ITGB6: variants seen among roughly 807,000 people sequenced by gnomAD.
ITGB6 encodes integrin beta-6.
ITGB6 carries 80 observed loss-of-function variants against 84.5 expected under a neutral mutation model. The observed-to-expected ratio is 0.95, with a 90% CI of 0.79 to 1.14. ITGB6 has a LOEUF of 1.14. Among genes scored for constraint, ITGB6 ranks in the 50% most tolerant of loss-of-function variants. The pLI is 0.00. For synonymous variants in ITGB6, 383 were observed against 354.9 expected (o/e 1.08, Z -0.89); for missense variants, 1,006 against 968.0 (o/e 1.04, Z -0.52).
intron 7 of ITGB6, among the ~76,000 whole-genome samples, chr2:160,155,939 T>C (rs1684607542): frequency 1.3e-5 from 2 of 152,218 alleles, no homozygotes; most frequent in Admixed American, 6.5e-5. Flanking sequence ...AATGCTCTCA[T>C]ACACTTGTAG....
intron 14 of ITGB6, 33 bp downstream of exon 14, chr2:160,107,646 C>T (rs755918176): frequency 1.9e-6 from 3 of 1,606,680 alleles, no homozygotes; most frequent in East Asian, 2.2e-5. Flanking sequence ...TCTTTCTCCC[C>T]TAGACAAGGA....
chr2:160,111,599 G>GT (rs35948673), intron 13 of ITGB6, among the ~76,000 whole-genome samples: 1,819 of 134,486 alleles, frequency 0.014, 88 homozygotes, highest in East Asian at 0.039. Context: ...CATCTTAGCT[G>GT]TTTTTTTTTT....
intron 7 of ITGB6, 105 bp from the exon 8 acceptor site, chr2:160,142,176 G>A: frequency 3.1e-6 from 2 of 655,290 alleles, no homozygotes; most frequent in Non-Finnish European, 5.3e-6. Flanking sequence ...AACTGGCCAG[G>A]GAAAACAGGT....
chr2:160,180,693 C>G (rs561811832), intron 4 of ITGB6, among the ~76,000 whole-genome samples: 1 of 152,298 alleles, frequency 6.6e-6, no homozygotes, highest in East Asian at 1.9e-4. Context: ...AGTGAGAAGG[C>G]TGGTAAGATG....
At chr2:160,160,413 G>T (rs1016992723) in intron 7 of ITGB6, among the ~76,000 whole-genome samples, 11 of 152,154 alleles carry the variant, frequency 7.2e-5, no homozygotes, top group Non-Finnish European at 1.0e-4. Flanking sequence ...ATAGAAAAAA[G>T]TGTGCCAACC....
rs1467456081 is a variant in ITGB6 at position 160,133,684 on chromosome 2, A to C, written c.1660+3750T>G. ...AGCACTCCTCAGCAAATGTAAAAGA[A>C]CAGAAATTATAACAAACTGTCTCTC... is the stretch of plus-strand genomic sequence containing the variant. On this transcript the variant is annotated intron_variant, in intron 10 of 14. Coordinates refer to ENST00000283249, the MANE Select transcript of ITGB6 (RefSeq NM_000888.5). Among the ~76,000 whole-genome samples, 3 of 152,194 alleles carry C rather than the reference A, an allele frequency of 2.0e-5. No individual in the cohort carries two copies. The South Asian group carries it at 6.2e-4, about 32-fold the overall frequency.
At chr2:160,156,991 T>G (rs1474146652) in intron 7 of ITGB6, among the ~76,000 whole-genome samples, 1 of 152,206 alleles carries the variant, frequency 6.6e-6, no homozygotes, top group Non-Finnish European at 1.5e-5. Context: ...ACAGAAATTG[T>G]TCTGTTCTGG....
intron 14 of ITGB6, among the ~76,000 whole-genome samples, chr2:160,107,092 G>A (rs10497213): frequency 0.36 from 55,123 of 151,936 alleles, 11,866 homozygotes; most frequent in Non-Finnish European, 0.49. Flanking sequence ...AATTATTTCT[G>A]TTGAGTTTAT....
intron 12 of ITGB6, among the ~76,000 whole-genome samples, chr2:160,114,325 T>G (rs982541617): frequency 3.3e-5 from 5 of 152,220 alleles, no homozygotes; most frequent in African/African-American, 1.2e-4. Context: ...TTTCTTCTGT[T>G]GTTCATAGAA....
At chr2:160,155,584 C>T (rs1464418054) in intron 7 of ITGB6, among the ~76,000 whole-genome samples, 1 of 152,066 alleles carries the variant, frequency 6.6e-6, no homozygotes. Context: ...TCTCTCTATA[C>T]CCTCTACTCA....
intron 4 of ITGB6, among the ~76,000 whole-genome samples, chr2:160,184,500 C>A (rs1189757984): frequency 2.6e-5 from 4 of 152,126 alleles, no homozygotes; most frequent in South Asian, 2.1e-4. Context: ...GCCTACCAAC[C>A]AAAAAATGTC....
intron 7 of ITGB6, among the ~76,000 whole-genome samples, chr2:160,159,384 C>CT (rs1387127214): frequency 6.6e-6 from 1 of 152,096 alleles, no homozygotes; most frequent in Non-Finnish European, 1.5e-5. Context: ...TATCAGAGGG[C>CT]TTGTAGTGAT....
intron 12 of ITGB6, among the ~76,000 whole-genome samples, chr2:160,119,479 C>G (rs1012701666): frequency 6.6e-6 from 1 of 151,954 alleles, no homozygotes; most frequent in Non-Finnish European, 1.5e-5. Context: ...AAAGCTGAAA[C>G]TGGATCCCTT....
intron 10 of ITGB6, among the ~76,000 whole-genome samples, chr2:160,127,557 C>T (rs1318715956): frequency 1.3e-5 from 2 of 152,150 alleles, no homozygotes; most frequent in African/African-American, 4.8e-5. Flanking sequence ...TGCATAAAAC[C>T]AAGCTGTGGC....
chr2:160,151,862 T>A (rs1337879131), intron 7 of ITGB6, among the ~76,000 whole-genome samples: 1 of 152,094 alleles, frequency 6.6e-6, no homozygotes, highest in Non-Finnish European at 1.5e-5. Flanking sequence ...ATGGATAAAT[T>A]CCTGGACACA....
At chr2:160,152,677 A>G (rs1473718157) in intron 7 of ITGB6, among the ~76,000 whole-genome samples, 1 of 152,222 alleles carries the variant, frequency 6.6e-6, no homozygotes, top group African/African-American at 2.4e-5. Flanking sequence ...TGCAGATGAC[A>G]TGATTGTATA....
chr2:160,147,276 A>G (rs372610158), intron 7 of ITGB6, among the ~76,000 whole-genome samples: 27 of 152,268 alleles, frequency 1.8e-4, no homozygotes, highest in African/African-American at 6.5e-4. Context: ...CACAACAACT[A>G]TTTTGACTTT....
intron 10 of ITGB6, among the ~76,000 whole-genome samples, chr2:160,130,733 T>G (rs1683433785): frequency 6.6e-6 from 1 of 152,218 alleles, no homozygotes; most frequent in South Asian, 2.1e-4. Flanking sequence ...TTTTTGTTTC[T>G]TCCTCAACAA....
chr2:160,198,121 C>T (rs1686411969), intron 2 of ITGB6, among the ~76,000 whole-genome samples: 1 of 152,138 alleles, frequency 6.6e-6, no homozygotes, highest in African/African-American at 2.4e-5. Flanking sequence ...AATACTTCTT[C>T]AAGAAGTCAA....
Sources: gnomAD v4.1 joint callset for allele counts (sites outside exome capture counted in the v4.1 genomes callset) on GRCh38, gnomAD v4.1.1 for gene constraint, MANE v1.5 for transcripts, NCBI Gene and HGNC (gene_info 2026-07-23, HGNC 2026-07-21) for gene names.